Variants in LRRIQ3 observed in about 807,000 individuals in gnomAD.
LRRIQ3 encodes leucine rich repeats and IQ motif containing 3, also known as leucine-rich repeat and IQ domain-containing protein 3.
In LRRIQ3, 75 loss-of-function variants were observed where a neutral mutation model predicts 59.3. The ratio of observed to expected loss-of-function variants is 1.26; its 90% CI spans 1.05 to 1.53. LRRIQ3 has a LOEUF of 1.53. LRRIQ3 is among the 40% of genes most tolerant of loss of function. The pLI is 0.00. For missense variants in LRRIQ3, 831 were observed against 710.0 expected (o/e 1.17, Z -1.94); for synonymous variants, 250 against 231.3 (o/e 1.08, Z -0.73).
intron 5 of LRRIQ3, chr1:74,078,543 T>TA (rs1557605116): frequency 6.6e-6 from 1 of 151,876 alleles, no homozygotes; most frequent in African/African-American, 2.4e-5. Context: ...TATTATATTA[T>TA]ATTTATAAAA....
intron 5 of LRRIQ3, among the ~76,000 whole-genome samples, chr1:74,087,698 G>A (rs1316574803): frequency 3.3e-5 from 5 of 151,838 alleles, no homozygotes; most frequent in African/African-American, 4.8e-5. Flanking sequence ...ACCTATCTAC[G>A]GACCTTTAAG....
intron 4 of LRRIQ3, among the ~76,000 whole-genome samples, chr1:74,129,492 C>A (rs1247987763): frequency 6.6e-6 from 1 of 151,994 alleles, no homozygotes; most frequent in Non-Finnish European, 1.5e-5. Context: ...AGTGAGCTCC[C>A]CTCTGGACCA....
chr1:74,179,642 T>C (rs1649858415), intron 3 of LRRIQ3, among the ~76,000 whole-genome samples: 1 of 151,940 alleles, frequency 6.6e-6, no homozygotes, highest in African/African-American at 2.4e-5. Flanking sequence ...TTGCTGTAAA[T>C]TAAATAAAAT....
chr1:74,171,774 A>G (rs920216208), intron 3 of LRRIQ3, among the ~76,000 whole-genome samples: 1 of 152,136 alleles, frequency 6.6e-6, no homozygotes, highest in African/African-American at 2.4e-5. Context: ...CTCATTAGAG[A>G]GGAATTTGAT....
intron 4 of LRRIQ3, among the ~76,000 whole-genome samples, chr1:74,141,743 G>GA (rs995813843): frequency 4.0e-5 from 6 of 151,250 alleles, no homozygotes; most frequent in African/African-American, 4.9e-5. Flanking sequence ...ATAAAACTAA[G>GA]AAAAAAACAC....
chr1:74,137,986 A>C (rs1176420869), intron 4 of LRRIQ3, among the ~76,000 whole-genome samples: 1 of 151,834 alleles, frequency 6.6e-6, no homozygotes, highest in African/African-American at 2.4e-5. Context: ...AGAAATACCT[A>C]ATGTAGATGA....
At chr1:74,115,864 G>A (rs1016818509) in intron 4 of LRRIQ3, among the ~76,000 whole-genome samples, 1 of 151,832 alleles carries the variant, frequency 6.6e-6, no homozygotes, top group Non-Finnish European at 1.5e-5. Flanking sequence ...TCAAATGTTG[G>A]AACAGGTGTT....
At chr1:74,093,879 T>C (rs928990049) in intron 5 of LRRIQ3, among the ~76,000 whole-genome samples, 3 of 152,066 alleles carry the variant, frequency 2.0e-5, no homozygotes, top group African/African-American at 7.2e-5. Flanking sequence ...GGCTGCCAAA[T>C]CATCTATGTC....
At chr1:74,095,883 CTTT>C (rs987320490) in intron 5 of LRRIQ3, among the ~76,000 whole-genome samples, 2 of 151,976 alleles carry the variant, frequency 1.3e-5, no homozygotes, top group African/African-American at 4.8e-5. Flanking sequence ...GGGTCTCAAA[CTTT>C]TTGGTCAGAG....
chr1:74,093,644 A>T (rs1039629381), intron 5 of LRRIQ3, among the ~76,000 whole-genome samples: 1 of 152,088 alleles, frequency 6.6e-6, no homozygotes, highest in Non-Finnish European at 1.5e-5. Context: ...TCACATGAAT[A>T]TCTGAATGTA....
intron 1 of LRRIQ3, among the ~76,000 whole-genome samples, chr1:74,196,598 C>G (rs142779231): frequency 1.1e-3 from 163 of 152,254 alleles, no homozygotes; most frequent in African/African-American, 3.8e-3. Flanking sequence ...CCTATTACCC[C>G]AAAAACCTTC....
intron 3 of LRRIQ3, among the ~76,000 whole-genome samples, chr1:74,171,307 G>A (rs1649307794): frequency 6.6e-6 from 1 of 152,094 alleles, no homozygotes; most frequent in Non-Finnish European, 1.5e-5. Context: ...ATATTGCATT[G>A]AGGGAAACTC....
At chr1:74,147,766 G>A (rs1032798732) in intron 4 of LRRIQ3, among the ~76,000 whole-genome samples, 7 of 152,086 alleles carry the variant, frequency 4.6e-5, no homozygotes, top group African/African-American at 7.2e-5. Context: ...CCATTGAGAC[G>A]ACCTTTTGGG....
At chr1:74,191,940 T>C (rs557137889) in intron 1 of LRRIQ3, among the ~76,000 whole-genome samples, 115 of 152,034 alleles carry the variant, frequency 7.6e-4, no homozygotes, top group Non-Finnish European at 1.4e-3. Flanking sequence ...TTCAAGAAAA[T>C]TGTAATTCTT....
chr1:74,133,302 A>G (rs1381775179), intron 4 of LRRIQ3, among the ~76,000 whole-genome samples: 1 of 152,140 alleles, frequency 6.6e-6, no homozygotes, highest in Admixed American at 6.6e-5. Flanking sequence ...AAGACGGTGT[A>G]GCGATTCCTC....
At chr1:74,164,318 T>C (rs559731285) in intron 3 of LRRIQ3, among the ~76,000 whole-genome samples, 90 of 151,520 alleles carry the variant, frequency 5.9e-4, no homozygotes, top group African/African-American at 2.1e-3. Flanking sequence ...AATAAGACCA[T>C]ATGGGTGGGC....
intron 3 of LRRIQ3, among the ~76,000 whole-genome samples, chr1:74,161,973 G>A (rs1331928417): frequency 6.6e-6 from 1 of 151,304 alleles, no homozygotes; most frequent in Non-Finnish European, 1.5e-5. Context: ...AAGAAGTGAC[G>A]GCTCTGAAGA....
At chr1:74,043,406 A>G (rs1463668729) in intron 6 of LRRIQ3, among the ~76,000 whole-genome samples, 3 of 152,152 alleles carry the variant, frequency 2.0e-5, no homozygotes, top group Non-Finnish European at 1.5e-5. Flanking sequence ...GTAGAAAATA[A>G]TTGAATAGGC....
intron 6 of LRRIQ3, among the ~76,000 whole-genome samples, chr1:74,063,079 A>AAAAC (rs1348580760): frequency 9.2e-5 from 9 of 97,796 alleles, no homozygotes; most frequent in Admixed American, 6.3e-4. Flanking sequence ...CAAAACAAAA[A>AAAAC]AAATCAAAAC....
Sources: allele counts gnomAD v4.1 joint callset (sites outside exome capture counted in the v4.1 genomes callset), GRCh38; gene constraint gnomAD v4.1.1; transcripts MANE v1.5; gene names NCBI Gene and HGNC (gene_info 2026-07-23, HGNC 2026-07-21).